The following MYPN variants were observed in gnomAD, a reference collection of about 807,000 sequenced individuals.
MYPN encodes the protein sarcomeric protein myopalladin, 145 kDa (MYOP).
MYPN carries 63 observed loss-of-function variants against 129.4 expected under a neutral mutation model. The observed-to-expected ratio is 0.49, with a 90% confidence interval of 0.40 to 0.60. The LOEUF is 0.60. Among genes scored for constraint, MYPN ranks in the 20% least tolerant of loss-of-function variants. The pLI, the probability that MYPN is intolerant of heterozygous loss-of-function variation, is 0.00. For missense variants in MYPN, 1,596 were observed against 1,635.4 expected (o/e 0.98, Z 0.42); for synonymous variants, 629 against 600.9 (o/e 1.05, Z -0.68).
intron 19 of MYPN, among the ~76,000 whole-genome samples, chr10:68,209,983 G>C (rs572545323): frequency 6.6e-6 from 1 of 152,048 alleles, no homozygotes; most frequent in South Asian, 2.1e-4. Flanking sequence ...ATAAGCCACC[G>C]TGCCTGGCCG....
intron 2 of MYPN, chr10:68,136,772 TATA>T (rs1380723216): frequency 6.6e-7 from 1 of 1,513,278 alleles, no homozygotes; most frequent in Admixed American, 2.0e-5. Flanking sequence ...TAGATAATCC[TATA>T]ATGTTTGTAT....
At chr10:68,139,772 C>T (rs1290613948) in intron 2 of MYPN, among the ~76,000 whole-genome samples, 1 of 152,094 alleles carries the variant, frequency 6.6e-6, no homozygotes, top group African/African-American at 2.4e-5. Flanking sequence ...GAATTTTTTC[C>T]ATCATTCAAT....
In MYPN at chr10:68,166,659, C is replaced by T. The variant is rs930830802; in HGVS notation, c.1966C>T (p.Pro656Ser). 2.5e-6 allele frequency: 4 copies of T among 1,613,906 alleles called. No homozygotes were observed. In the African/African-American group the frequency reaches 4.0e-5, roughly 16 times the overall value. Residue 656 changes from proline (P) to serine (S), a missense_variant, in exon 10 of 20, where the codon CCC becomes TCC. Pro to Ser is a moderately conservative substitution (Grantham distance 74). Coordinates refer to ENST00000358913, the MANE Select transcript of MYPN (RefSeq NM_032578.4). ...VKEPPPVLAK[P>S]KLDSTQLQQL... ...AGAGCCCCCTCCAGTTCTGGCCAAACCCAAACTGTAAGTAAAAAGTAGGAT... is the reference window on the plus strand; with the variant it reads ...AGAGCCCCCTCCAGTTCTGGCCAAATCCAAACTGTAAGTAAAAAGTAGGAT...
chr10:68,160,586 C>T (rs937386432), intron 7 of MYPN, among the ~76,000 whole-genome samples: 1 of 152,264 alleles, frequency 6.6e-6, no homozygotes, highest in East Asian at 1.9e-4. Flanking sequence ...ACCGTGGGCA[C>T]TTTCATGAAG....
intron 13 of MYPN, among the ~76,000 whole-genome samples, chr10:68,191,862 C>A (rs1403750012): frequency 6.6e-6 from 1 of 152,016 alleles, no homozygotes; most frequent in African/African-American, 2.4e-5. Context: ...GATTTTGTAT[C>A]CTGCAACTTT....
At chr10:68,106,758 A>G (rs1316104253), upstream of MYPN, 3 of 717,240 alleles carry the variant, frequency 4.2e-6, no homozygotes, top group Non-Finnish European at 5.2e-6. Context: ...TTCCTCTGCC[A>G]TAGAACTTCC....
At chr10:68,157,535 A>C (rs1031728041) in intron 6 of MYPN, among the ~76,000 whole-genome samples, 3 of 151,880 alleles carry the variant, frequency 2.0e-5, no homozygotes, top group Admixed American at 1.3e-4. Flanking sequence ...TTGGGCACTT[A>C]AGAACAGAGG....
intron 1 of MYPN, among the ~76,000 whole-genome samples, chr10:68,100,097 T>C (rs2041974948): frequency 6.6e-6 from 1 of 152,224 alleles, no homozygotes; most frequent in African/African-American, 2.4e-5. Context: ...CTAAGTCTTT[T>C]TCAGATCCTT....
In MYPN at chr10:68,148,206, C is replaced by T. The variant is rs16925161; in HGVS notation, c.1131-147C>T. ...CTAACAAAATGTGTAGCAAAAATGC[C>T]CTTGGTCAACGTTTGTAAAATATCA... On this transcript the variant is annotated intron_variant, in intron 4 of 19. Transcript: ENST00000358913. The T allele has an allele frequency of 2.9e-3, 1,975 of 691,564 alleles. 18 individuals carry two copies. Among genetic ancestry groups the T allele is most frequent in the African/African-American group, 0.021 (1,147 of 55,386 alleles). The allele number at this position is 691,564 out of a possible 1,614,324, so 42.8% of individuals were successfully genotyped here.
At chr10:68,089,919 G>T (rs956601470) in intron 1 of MYPN, among the ~76,000 whole-genome samples, 1 of 152,138 alleles carries the variant, frequency 6.6e-6, no homozygotes, top group Non-Finnish European at 1.5e-5. Context: ...ATGGAATGAA[G>T]TATATCCATT....
rs761434183 is a variant in MYPN, at chr10:68,189,085, G to A, written c.2884G>A (p.Val962Ile). 1 of 1,614,152 alleles carries A rather than the reference G, an allele frequency of 6.2e-7. No individual in the cohort carries two copies. The highest frequency in any genetic ancestry group is 1.1e-5 in the South Asian group (1 of 91,082). Residue 962 changes from valine to isoleucine, a missense_variant, in exon 13 of 20, where the codon GTT becomes ATT. Transcript: ENST00000358913. The part of the protein sequence containing the change: ...KHFRVTEGSP[V>I]TFTCKIVGIP... ...CTTCCGGGTCACAGAAGGCTCTCCA[G>A]TTACATTCACCTGCAAAATTGTTGG...
chr10:68,115,204 A>G (rs1372344356), intron 1 of MYPN, among the ~76,000 whole-genome samples: 2 of 148,464 alleles, frequency 1.3e-5, no homozygotes, highest in Admixed American at 1.4e-4. Flanking sequence ...GGTTGCAGTG[A>G]GCGGAAATTG....
intron 10 of MYPN, 38 bp from the exon 11 acceptor site, chr10:68,174,028 C>T (rs769229431): frequency 1.4e-6 from 2 of 1,480,306 alleles, no homozygotes; most frequent in South Asian, 1.1e-5. Context: ...AATAATAACA[C>T]ATTTCCTTCT....
chr10:68,137,115 T>C (rs2042498762), intron 2 of MYPN, among the ~76,000 whole-genome samples: 2 of 152,126 alleles, frequency 1.3e-5, no homozygotes, highest in African/African-American at 2.4e-5. Context: ...ATAATAAACA[T>C]GTTAACAAAA....
intron 17 of MYPN, among the ~76,000 whole-genome samples, chr10:68,201,069 A>ATTCT (rs2043702196): frequency 6.6e-6 from 1 of 152,150 alleles, no homozygotes; most frequent in African/African-American, 2.4e-5. Flanking sequence ...AGATAGTGTT[A>ATTCT]TTCTGTAGGT....
At chr10:68,194,738 T>C (rs75048549) in intron 14 of MYPN, among the ~76,000 whole-genome samples, 1 of 152,246 alleles carries the variant, frequency 6.6e-6, no homozygotes, top group African/African-American at 2.4e-5. Flanking sequence ...CTTAGTACTA[T>C]TTTTTCACTA....
intron 1 of MYPN, among the ~76,000 whole-genome samples, chr10:68,092,443 C>T (rs993181748): frequency 1.3e-5 from 2 of 150,512 alleles, no homozygotes; most frequent in Non-Finnish European, 2.9e-5. Flanking sequence ...TGCAGTGAGC[C>T]GAGATTGAGC....
In MYPN at chr10:68,165,618, T is replaced by C. The variant is rs2043041296; in HGVS notation, c.1484-84T>C. The C allele has an allele frequency of 1.7e-5, 17 of 1,025,214 alleles. No homozygotes were observed. In the South Asian group the frequency reaches 2.0e-4, roughly 12 times the overall value. 63.5% of individuals were successfully genotyped at this position (1,025,214 alleles called of 1,614,324 possible). The stretch of plus-strand genomic sequence containing the variant: ...TAGCCAGCTTTTTATATTGACTTTG[T>C]AGAATCATCATCTGATACCAGTAAA... On this transcript the variant is annotated intron_variant, in intron 8 of 19. Transcript: ENST00000358913.
At chr10:68,130,757 T>C (rs1009056452) in intron 2 of MYPN, among the ~76,000 whole-genome samples, 1 of 152,212 alleles carries the variant, frequency 6.6e-6, no homozygotes, top group East Asian at 1.9e-4. Flanking sequence ...AATTTTGTAA[T>C]TTTGTCTTTC....
Sources: gnomAD v4.1 joint callset for allele counts (sites outside exome capture counted in the v4.1 genomes callset) on GRCh38, gnomAD v4.1.1 for gene constraint, MANE v1.5 for transcripts, NCBI Gene and HGNC (gene_info 2026-07-23, HGNC 2026-07-21) for gene names.